The following RBM27 variants were observed in gnomAD, a reference collection of about 807,000 sequenced individuals.
The protein encoded by RBM27 is RNA-binding protein 27.
A neutral mutation model predicts 135.3 loss-of-function variants in RBM27; 22 were observed. The observed-to-expected ratio is 0.16, with a 90% CI of 0.12 to 0.23. The LOEUF is 0.23. Ranked by LOEUF, RBM27 falls within the 10% of genes least tolerant of loss-of-function variation. The pLI, the probability that RBM27 is intolerant of heterozygous loss-of-function variation, is 1.00. For synonymous variants in RBM27, 481 were observed against 442.4 expected, an observed-to-expected ratio of 1.09 and a Z score of -1.10; for missense variants, 1,009 against 1,281.0, an observed-to-expected ratio of 0.79 and a Z score of 3.24.
Position 146,267,762 on chromosome 5 carries a change from A to G in RBM27, c.2445A>G (p.Lys815=), listed in dbSNP as rs751710607. Residue 815 remains lysine (K), a synonymous_variant, in exon 15 of 21, where the codon AAA becomes AAG. Transcript: ENST00000265271. ...ATGATGTTCAAGAAGTGCTTAAAAA[A>G]AAACAGGTAACAGTCTTGATTCTTC... is the stretch of plus-strand genomic sequence containing the variant. The part of the protein sequence containing the change: ...KSHDVQEVLK[K]KQEAMKLQQD... 1 of 1,602,124 alleles carries G rather than the reference A, an allele frequency of 6.2e-7. No homozygotes were observed. Among genetic ancestry groups the G allele is most frequent in the South Asian group, 1.1e-5 (1 of 87,460 alleles).
At chr5:146,256,898 T>C (rs944562410) in intron 10 of RBM27, among the ~76,000 whole-genome samples, 17 of 152,156 alleles carry the variant, frequency 1.1e-4, no homozygotes, top group African/African-American at 4.1e-4. Context: ...TAAAAAAAAT[T>C]AATTAAAAAA....
intron 8 of RBM27, among the ~76,000 whole-genome samples, chr5:146,248,299 C>CAAGG (rs1561546840): frequency 1.3e-5 from 2 of 149,364 alleles, no homozygotes; most frequent in Non-Finnish European, 3.0e-5. Flanking sequence ...TCTGGAAGGA[C>CAAGG]AAGGTATACT....
At chr5:146,258,852 G>A (rs940897913) in intron 11 of RBM27, among the ~76,000 whole-genome samples, 4 of 151,696 alleles carry the variant, frequency 2.6e-5, no homozygotes, top group African/African-American at 9.7e-5. Context: ...TCTGCCTCCT[G>A]GGTTGAAGTG....
chr5:146,206,559 A>G (rs1755677167), intron 1 of RBM27, among the ~76,000 whole-genome samples: 2 of 151,092 alleles, frequency 1.3e-5, no homozygotes, highest in African/African-American at 4.9e-5. Flanking sequence ...TAAAAAAAAA[A>G]AGGCTAAAAT....
intron 19 of RBM27, among the ~76,000 whole-genome samples, chr5:146,273,661 TA>T (rs1758965306): frequency 6.6e-6 from 1 of 152,186 alleles, no homozygotes; most frequent in Non-Finnish European, 1.5e-5. Context: ...TTAGCAAACA[TA>T]AAAGGAAACT....
intron 19 of RBM27, among the ~76,000 whole-genome samples, chr5:146,277,014 G>T (rs996614626): frequency 2.0e-5 from 3 of 152,174 alleles, no homozygotes; most frequent in East Asian, 1.9e-4. Context: ...CTGTGTTCAG[G>T]GTTCTTCAGG....
intron 13 of RBM27, 117 bp downstream of exon 13, chr5:146,261,923 C>A: frequency 1.0e-6 from 1 of 992,016 alleles, no homozygotes; most frequent in Non-Finnish European, 1.5e-6. Flanking sequence ...GAACTGCAGA[C>A]CAGTAGCATC....
chr5:146,225,085 A>C (rs1247438560), intron 3 of RBM27, among the ~76,000 whole-genome samples: 2 of 152,142 alleles, frequency 1.3e-5, no homozygotes, highest in Non-Finnish European at 2.9e-5. Context: ...CAGTTTTATC[A>C]ATTGATCAAG....
intron 4 of RBM27, 64 bp from the exon 5 acceptor site, chr5:146,229,653 A>G: frequency 2.2e-6 from 3 of 1,364,188 alleles, no homozygotes; most frequent in South Asian, 1.3e-5. Context: ...TATTTATACT[A>G]TAGATTTGTT....
intron 19 of RBM27, among the ~76,000 whole-genome samples, chr5:146,276,662 G>A (rs1759104062): frequency 6.6e-6 from 1 of 152,156 alleles, no homozygotes; most frequent in Non-Finnish European, 1.5e-5. Flanking sequence ...TTTCTTTTGT[G>A]CTTTCCAGAA....
intron 8 of RBM27, among the ~76,000 whole-genome samples, chr5:146,241,468 T>C (rs1244921101): frequency 6.6e-6 from 1 of 152,232 alleles, no homozygotes; most frequent in African/African-American, 2.4e-5. Context: ...TAAAGGCCTT[T>C]TAGAACTGTA....
chr5:146,239,602 C>T (rs1247978431), intron 8 of RBM27, among the ~76,000 whole-genome samples: 2 of 151,284 alleles, frequency 1.3e-5, no homozygotes, highest in East Asian at 3.9e-4. Flanking sequence ...CTCAGCCTCC[C>T]AAGTAGCTGG....
intron 10 of RBM27, among the ~76,000 whole-genome samples, chr5:146,255,634 T>C (rs1008129866): frequency 2.0e-5 from 3 of 152,186 alleles, no homozygotes; most frequent in Non-Finnish European, 4.4e-5. Flanking sequence ...CATTTACCTT[T>C]AATATGGCTG....
At chr5:146,206,109 T>C (rs769774708) in intron 1 of RBM27, among the ~76,000 whole-genome samples, 13 of 152,240 alleles carry the variant, frequency 8.5e-5, no homozygotes, top group Non-Finnish European at 1.6e-4. Context: ...TCTGCTGCTC[T>C]GATGCCTTTA....
intron 1 of RBM27, among the ~76,000 whole-genome samples, chr5:146,209,398 C>A (rs1053116746): frequency 7.2e-5 from 11 of 152,104 alleles, no homozygotes; most frequent in African/African-American, 2.7e-4. Context: ...GATTTCTGGC[C>A]ATATCAGTGT....
chr5:146,284,916 G>A (rs888722290), intron 20 of RBM27, among the ~76,000 whole-genome samples, 184 bp downstream of exon 20: 2 of 151,804 alleles, frequency 1.3e-5, no homozygotes, highest in South Asian at 4.2e-4. Flanking sequence ...CTGTGTTAGG[G>A]GTTATTTTCT....
At chr5:146,213,956 A>G (rs1050942617) in intron 1 of RBM27, among the ~76,000 whole-genome samples, 5 of 152,238 alleles carry the variant, frequency 3.3e-5, no homozygotes, top group African/African-American at 7.2e-5. Context: ...TTTGTAAGTT[A>G]CATTAAGCTT....
chr5:146,223,255 G>C (rs1756532454), intron 2 of RBM27, 148 bp from the exon 3 acceptor site: 1 of 496,616 alleles, frequency 2.0e-6, no homozygotes, highest in Admixed American at 4.4e-5. Flanking sequence ...AAACCTGAAA[G>C]TGGGATTCTC....
intron 1 of RBM27, among the ~76,000 whole-genome samples, chr5:146,207,642 G>A (rs1193492804): frequency 6.6e-6 from 1 of 150,378 alleles, no homozygotes; most frequent in African/African-American, 2.5e-5. Context: ...ACATATGCAT[G>A]TAACGGGAGA....
Sources: gnomAD v4.1 joint callset for allele counts (sites outside exome capture counted in the v4.1 genomes callset) on GRCh38, gnomAD v4.1.1 for gene constraint, MANE v1.5 for transcripts, NCBI Gene and HGNC (gene_info 2026-07-23, HGNC 2026-07-21) for gene names.